Variants in ZFYVE28 observed in about 807,000 individuals in gnomAD.
ZFYVE28 encodes lateral signaling target protein 2 homolog.
In ZFYVE28, 40 loss-of-function variants were observed where a neutral mutation model predicts 82.1. That is an observed-to-expected ratio of 0.49 (90% CI 0.38 to 0.63). ZFYVE28 has a LOEUF of 0.63. Ranked by LOEUF, ZFYVE28 falls within the 30% of genes least tolerant of loss-of-function variation. The pLI is 0.00. For synonymous variants in ZFYVE28, 612 were observed against 546.1 expected (o/e 1.12, Z -1.68); for missense variants, 1,321 against 1,242.1 (o/e 1.06, Z -0.96).
intron 8 of ZFYVE28, among the ~76,000 whole-genome samples, chr4:2,290,408 G>C (rs554392961): frequency 1.3e-5 from 2 of 152,196 alleles, no homozygotes; most frequent in Non-Finnish European, 2.9e-5. Flanking sequence ...CAGGCCCCAA[G>C]GGCCACTTTG....
At chr4:2,337,379 C>T (rs1721997975) in intron 5 of ZFYVE28, 28 bp downstream of exon 5, 1 of 1,572,062 alleles carries the variant, frequency 6.4e-7, no homozygotes, top group East Asian at 2.3e-5. Flanking sequence ...AGATGCTGCC[C>T]CCAGCCCCTA....
intron 1 of ZFYVE28, among the ~76,000 whole-genome samples, chr4:2,403,286 A>G (rs567217914): frequency 4.6e-5 from 7 of 152,332 alleles, no homozygotes; most frequent in African/African-American, 1.7e-4. Flanking sequence ...GAGATGGGCA[A>G]AGGACTAGTG....
At chr4:2,398,206 T>G (rs1578381868) in intron 1 of ZFYVE28, among the ~76,000 whole-genome samples, 1 of 151,096 alleles carries the variant, frequency 6.6e-6, no homozygotes, top group African/African-American at 2.4e-5. Context: ...GCCGCATGGG[T>G]GGGGAAGGCC....
At chr4:2,285,682 G>C (rs887943169) in intron 8 of ZFYVE28, 1 of 152,592 alleles carries the variant, frequency 6.6e-6, no homozygotes, top group African/African-American at 2.4e-5. Flanking sequence ...CCGTGACCAG[G>C]GCATCCTCAG....
chr4:2,312,218 A>G (rs1453193799), intron 7 of ZFYVE28, among the ~76,000 whole-genome samples: 1 of 152,002 alleles, frequency 6.6e-6, no homozygotes, highest in East Asian at 1.9e-4. Context: ...CCACATGGAT[A>G]TATCATATCT....
Position 2,341,169 on chromosome 4 carries a change from G to A in ZFYVE28, c.318+309C>T, listed in dbSNP as rs879755142. 4.3e-5 allele frequency: 19 copies of A among 437,624 alleles called. No individual in the cohort carries two copies. Among genetic ancestry groups the A allele is most frequent in the Non-Finnish European group, 7.1e-5 (17 of 238,740 alleles). The allele number at this position is 437,624 out of a possible 1,614,324, so 27.1% of individuals were successfully genotyped here. Reference sequence around the variant, plus strand: ...GGAGGGGAACACTTGTTCCTGATGTGGGCATTACTGCCATTAAAAACCACT... The same window carrying A: ...GGAGGGGAACACTTGTTCCTGATGTAGGCATTACTGCCATTAAAAACCACT... On this transcript the variant is annotated intron_variant, in intron 3 of 12. Transcript: ENST00000290974. This position sits in a 1 kb window ranked among gnomAD's most constrained non-coding sequence, Gnocchi z 4.5.
intron 2 of ZFYVE28, among the ~76,000 whole-genome samples, chr4:2,344,804 G>A (rs911080129): frequency 6.6e-6 from 1 of 152,210 alleles, no homozygotes; most frequent in Non-Finnish European, 1.5e-5. Flanking sequence ...GCTGAGGCAG[G>A]AGAATCGCTT....
intron 8 of ZFYVE28, among the ~76,000 whole-genome samples, chr4:2,275,786 CTG>C (rs1736372291): frequency 6.6e-6 from 1 of 152,260 alleles, no homozygotes; most frequent in African/African-American, 2.4e-5. Flanking sequence ...CCGGTGGCCT[CTG>C]TTGCCGGCAT....
Position 2,373,692 on chromosome 4 carries a change from G to A in ZFYVE28, c.40-19619C>T, listed in dbSNP as rs1003720265. On this transcript the variant is annotated intron_variant, in intron 1 of 12. Coordinates refer to ENST00000290974, the MANE Select transcript of ZFYVE28 (RefSeq NM_020972.3). ...CCCATGCAGTGGCAAACATGCACTC[G>A]TATGCCCTGGCAGAATCTCCGTTCC... 4.6e-5 allele frequency among the ~76,000 whole-genome samples: 7 copies of A among 152,166 alleles called. No homozygotes were observed. In the East Asian group the frequency reaches 7.7e-4, roughly 17 times the overall value.
intron 8 of ZFYVE28, among the ~76,000 whole-genome samples, chr4:2,298,261 C>G (rs1003140519): frequency 6.6e-6 from 1 of 151,780 alleles, no homozygotes; most frequent in Admixed American, 6.6e-5. Context: ...AGTGACACAG[C>G]GGGCTGTGCT....
At chr4:2,283,408 C>A (rs1712238918) in intron 8 of ZFYVE28, among the ~76,000 whole-genome samples, 2 of 149,472 alleles carry the variant, frequency 1.3e-5, no homozygotes, top group African/African-American at 5.0e-5. Context: ...TGCACCCACC[C>A]ATCCACCCAC....
In ZFYVE28 at chr4:2,305,516, G is replaced by A. The variant is rs747879895; in HGVS notation, c.824C>T (p.Thr275Met). 8.1e-6 allele frequency: 13 copies of A among 1,612,966 alleles called. No homozygotes were observed. Among genetic ancestry groups the A allele is most frequent in the African/African-American group, 1.3e-5 (1 of 75,054 alleles). The change falls in exon 8 of 13, where the codon ACG becomes ATG. Residue 275 changes from threonine to methionine, a missense_variant. By Grantham distance (81) the Thr-to-Met change is moderately conservative (BLOSUM62 -1). This residue lies in a region of ZFYVE28 where 343 missense variants were observed against 408.4 expected (regional missense o/e 0.84). Coordinates refer to ENST00000290974, the MANE Select transcript of ZFYVE28 (RefSeq NM_020972.3). ...RKIRDLLQTL[T>M]EEELHTLERN... Reference sequence around the variant, plus strand: ...TTCCAGCGTGTGCAGCTCCTCCTCCGTCAGCGTCTGCAGCAAATCCCTACG... The same window carrying A: ...TTCCAGCGTGTGCAGCTCCTCCTCCATCAGCGTCTGCAGCAAATCCCTACG...
chr4:2,304,261 C>T, intron 8 of ZFYVE28, 28 bp downstream of exon 8: 3 of 1,531,118 alleles, frequency 2.0e-6, no homozygotes, highest in Non-Finnish European at 1.7e-6. Flanking sequence ...GAGGACAAAC[C>T]CAGTCTCTGG....
chr4:2,382,807 G>T (rs1267896946), intron 1 of ZFYVE28, among the ~76,000 whole-genome samples: 1 of 152,162 alleles, frequency 6.6e-6, no homozygotes, highest in Admixed American at 6.5e-5. Flanking sequence ...AAGAAAAAGA[G>T]GTTTAATTGG....
chr4:2,276,459 C>T (rs749901052), intron 8 of ZFYVE28, among the ~76,000 whole-genome samples: 1 of 152,230 alleles, frequency 6.6e-6, no homozygotes, highest in Non-Finnish European at 1.5e-5. Flanking sequence ...TCGGTACCCC[C>T]AGCCTCATCA....
In ZFYVE28 at chr4:2,353,920, C is replaced by A; in HGVS notation, c.180+13G>T. The A allele has an allele frequency of 6.7e-7, 1 of 1,499,338 alleles. No homozygotes were observed. The highest frequency in any genetic ancestry group is 8.9e-7 in the Non-Finnish European group (1 of 1,119,116). 92.9% of individuals were successfully genotyped at this position (1,499,338 alleles called of 1,614,324 possible). A position where few individuals can be genotyped will look rare whatever the true frequency, so the allele number is the denominator to read the frequency against. ...CAGCGGGGCCAGCCAGCTTCTGCTG[C>A]CCCGTGGCTCACCTGACAGGAGCGG... On this transcript the variant is annotated intron_variant, in intron 2 of 12. Transcript: ENST00000290974.
intron 1 of ZFYVE28, among the ~76,000 whole-genome samples, chr4:2,373,954 C>T (rs1399238828): frequency 6.6e-6 from 1 of 152,214 alleles, no homozygotes; most frequent in Non-Finnish European, 1.5e-5. Context: ...CACCGCCCCC[C>T]ATCTCTCCCA....
At chr4:2,285,900 G>GCC (rs34003695) in intron 8 of ZFYVE28, 102,162 of 152,202 alleles carry the variant, frequency 0.67, 35,420 homozygotes, top group African/African-American at 0.84. Flanking sequence ...TGGTCCGCAG[G>GCC]TCTCTCCTGG....
Position 2,418,173 on chromosome 4 carries a change from G to C in ZFYVE28, c.39+112C>G, listed in dbSNP as rs781181070. The C allele has an allele frequency of 1.6e-5, 16 of 1,003,866 alleles. No individual in the cohort carries two copies. The highest frequency in any genetic ancestry group is 3.4e-5 in the African/African-American group (2 of 58,342). 62.2% of individuals were successfully genotyped at this position (1,003,866 alleles called of 1,614,324 possible). A position where few individuals can be genotyped will look rare whatever the true frequency, so the allele number is the denominator to read the frequency against. On this transcript the variant is annotated intron_variant, in intron 1 of 12. Transcript: ENST00000290974. This position sits in a 1 kb window ranked among gnomAD's most constrained non-coding sequence, Gnocchi z 4.6. ...GGGAAGGATGTCGGCGGTGGGGGAA[G>C]AGGCCGGCCACGGACAGGGAAAGGG...
Sources: gnomAD v4.1 joint callset for allele counts (sites outside exome capture counted in the v4.1 genomes callset) on GRCh38, gnomAD v4.1.1 for gene constraint, gnomAD v4.1.1 regional missense constraint, Gnocchi (gnomAD v3.1) non-coding constraint, MANE v1.5 for transcripts, NCBI Gene and HGNC (gene_info 2026-07-23, HGNC 2026-07-21) for gene names.